The following LRBA variants were observed in gnomAD, a reference collection of about 807,000 sequenced individuals.
The protein encoded by LRBA is LPS responsive beige-like anchor protein, also known as lipopolysaccharide-responsive and beige-like anchor protein.
In LRBA, 176 loss-of-function variants were observed where a neutral mutation model predicts 330.0. The ratio of observed to expected loss-of-function variants is 0.53; its 90% CI spans 0.47 to 0.60. The LOEUF is 0.60. LRBA is among the 20% of genes least tolerant of loss of function. LRBA has a pLI of 0.00. For synonymous variants in LRBA, 1,230 were observed against 1,193.0 expected, an observed-to-expected ratio of 1.03 and a Z score of -0.64; for missense variants, 3,259 against 3,444.8, an observed-to-expected ratio of 0.95 and a Z score of 1.35.
At chr4:150,330,111 T>A (rs1027980578) in intron 48 of LRBA, among the ~76,000 whole-genome samples, 1 of 152,050 alleles carries the variant, frequency 6.6e-6, no homozygotes, top group African/African-American at 2.4e-5. Context: ...GCATTGCAGG[T>A]TTTCCTATCT....
intron 40 of LRBA, among the ~76,000 whole-genome samples, chr4:150,514,730 A>C (rs541889704): frequency 1.3e-5 from 2 of 152,286 alleles, no homozygotes; most frequent in East Asian, 3.9e-4. Context: ...AGGACTCAAG[A>C]ACTCTGATCT....
chr4:150,283,265 G>A (rs1357029506), intron 54 of LRBA, among the ~76,000 whole-genome samples: 1 of 152,128 alleles, frequency 6.6e-6, no homozygotes, highest in Non-Finnish European at 1.5e-5. Flanking sequence ...CCACCTCCCT[G>A]CTGCCTTCAC....
intron 36 of LRBA, among the ~76,000 whole-genome samples, chr4:150,710,175 A>C (rs1045731826): frequency 6.6e-6 from 1 of 152,182 alleles, no homozygotes; most frequent in Non-Finnish European, 1.5e-5. Context: ...TATTGATAAC[A>C]AATGTTTTTG....
intron 47 of LRBA, among the ~76,000 whole-genome samples, chr4:150,400,271 A>C (rs1165234119): frequency 6.6e-6 from 1 of 152,166 alleles, no homozygotes; most frequent in African/African-American, 2.4e-5. Context: ...CCAATTTATA[A>C]ATATCTTCAT....
At chr4:150,579,998 A>C (rs555000377) in intron 40 of LRBA, 3 of 305,324 alleles carry the variant, frequency 9.8e-6, no homozygotes, top group African/African-American at 4.5e-5. Context: ...CTCTCCCGGC[A>C]GCGCAGTGCC....
At chr4:150,310,670 AAC>A in intron 51 of LRBA, 1 of 261,998 alleles carries the variant, frequency 3.8e-6, no homozygotes, top group Non-Finnish European at 7.2e-6. Flanking sequence ...TCTTGGGCAG[AAC>A]CAAACTAGAT....
At chr4:150,895,751 C>T (rs1047318312) in intron 16 of LRBA, among the ~76,000 whole-genome samples, 1 of 152,166 alleles carries the variant, frequency 6.6e-6, no homozygotes, top group Non-Finnish European at 1.5e-5. Context: ...CATACGTGTG[C>T]ATGTGTCTTT....
Position 150,867,812 on chromosome 4 carries a change from A to T in LRBA, c.2625T>A (p.Tyr875Ter). Residue 875 changes from tyrosine to a stop codon, truncating the protein, a stop_gained, in exon 22 of 57, where the codon TAT becomes TAA. Coordinates refer to ENST00000651943, the MANE Select transcript of LRBA (RefSeq NM_001364905.1). LOFTEE classifies it high-confidence loss of function. Reference protein sequence around the residue: ...VWQEWMLSLCYFNPKNSDEQK... With the variant: ...VWQEWMLSLC The stretch of plus-strand genomic sequence containing the variant: ...GCTCATCTGAATTCTTAGGATTAAA[A>T]TAGCAGAGAGAAAGCATCCATTCTT... 2 of 1,613,838 alleles carry T rather than the reference A, an allele frequency of 1.2e-6. No homozygotes were observed. The highest frequency in any genetic ancestry group is 1.7e-6 in the Non-Finnish European group (2 of 1,179,840).
chr4:150,530,380 A>T (rs1200869025), intron 40 of LRBA, among the ~76,000 whole-genome samples: 1 of 152,196 alleles, frequency 6.6e-6, no homozygotes, highest in South Asian at 2.1e-4. Context: ...CATAGTAGAC[A>T]TTGTTAGGGC....
intron 17 of LRBA, among the ~76,000 whole-genome samples, chr4:150,890,115 A>T (rs1729317576): frequency 2.6e-5 from 4 of 152,336 alleles, no homozygotes; most frequent in African/African-American, 9.6e-5. Context: ...TGGGGAAAAA[A>T]GATGGAAGTT....
rs759299800 is a variant in LRBA, at chr4:150,914,361, A to G, written c.1015-20T>C. On this transcript the variant is annotated intron_variant, in intron 8 of 56. Coordinates refer to ENST00000651943, the MANE Select transcript of LRBA (RefSeq NM_001364905.1). ...AAAGGTCTGTAAAAGAAAAAAAAAAAGGAATTAGGAAAAAACAAAAAAAAA... is the reference window on the plus strand; with the variant it reads ...AAAGGTCTGTAAAAGAAAAAAAAAAGGGAATTAGGAAAAAACAAAAAAAAA... 3.4e-6 allele frequency: 5 copies of G among 1,465,810 alleles called. No individual in the cohort carries two copies. Among genetic ancestry groups the G allele is most frequent in the Admixed American group, 2.3e-5 (1 of 43,384 alleles). The allele number at this position is 1,465,810 out of a possible 1,614,324, so 90.8% of individuals were successfully genotyped here. A position where few individuals can be genotyped will look rare whatever the true frequency, so the allele number is the denominator to read the frequency against.
At chr4:150,830,144 A>G (rs372135206) in intron 29 of LRBA, among the ~76,000 whole-genome samples, 85 of 152,222 alleles carry the variant, frequency 5.6e-4, no homozygotes, top group African/African-American at 2.0e-3. Flanking sequence ...TAATAATCCT[A>G]CTGCCCCATG....
intron 47 of LRBA, among the ~76,000 whole-genome samples, chr4:150,390,471 G>A (rs1263291822): frequency 6.6e-6 from 1 of 152,130 alleles, no homozygotes; most frequent in Non-Finnish European, 1.5e-5. Flanking sequence ...TTTTAAGAGT[G>A]ACCCTACCAC....
chr4:150,819,830 C>A (rs76240955), intron 30 of LRBA, among the ~76,000 whole-genome samples: 4,221 of 152,132 alleles, frequency 0.028, 184 homozygotes, highest in African/African-American at 0.096. Flanking sequence ...AGATCTTATT[C>A]TTTTATTCAG....
At chr4:150,970,523 T>TTGTGTGTGTGTGTG (rs372306849) in intron 2 of LRBA, 5 of 115,650 alleles carry the variant, frequency 4.3e-5, no homozygotes, top group African/African-American at 1.7e-4. Context: ...TAATATATAC[T>TTGTGTGTGTGTGTG]TGTGTGTGTG....
chr4:150,753,029 C>T (rs1420900845), intron 35 of LRBA, among the ~76,000 whole-genome samples: 1 of 152,118 alleles, frequency 6.6e-6, no homozygotes, highest in East Asian at 1.9e-4. Flanking sequence ...GTATCTACCA[C>T]CTTCTATCTT....
At chr4:150,649,355 T>C (rs1779496238) in intron 37 of LRBA, among the ~76,000 whole-genome samples, 1 of 152,188 alleles carries the variant, frequency 6.6e-6, no homozygotes. Context: ...ACCAATCTGG[T>C]TTACATACCA....
At chr4:150,274,295 A>G (rs1746488482) in intron 56 of LRBA, among the ~76,000 whole-genome samples, 2 of 152,220 alleles carry the variant, frequency 1.3e-5, no homozygotes, top group Non-Finnish European at 2.9e-5. Flanking sequence ...AATCTCTGGG[A>G]CACATTTAAA....
intron 47 of LRBA, among the ~76,000 whole-genome samples, chr4:150,380,461 G>T: frequency 6.6e-6 from 1 of 151,782 alleles, no homozygotes; most frequent in Non-Finnish European, 1.5e-5. Flanking sequence ...GTTATTCCAG[G>T]GCTTATTCCA....
Sources: gnomAD v4.1 joint callset for allele counts (sites outside exome capture counted in the v4.1 genomes callset) on GRCh38, gnomAD v4.1.1 for gene constraint, MANE v1.5 for transcripts, NCBI Gene and HGNC (gene_info 2026-07-23, HGNC 2026-07-21) for gene names.